SV2B: variants seen among roughly 807,000 people sequenced by gnomAD.
The protein encoded by SV2B is synaptic vesicle glycoprotein 2B, also known as solute carrier family 22 member B2.
A neutral mutation model predicts 73.9 loss-of-function variants in SV2B; 41 were observed. The observed-to-expected ratio is 0.56, with a 90% CI of 0.43 to 0.72. The LOEUF (loss-of-function observed/expected upper bound fraction) is 0.72, where lower values mean the gene tolerates loss of function less well. SV2B is among the 30% of genes least tolerant of loss of function. SV2B has a pLI of 0.00. For synonymous variants in SV2B, 314 were observed against 314.2 expected (o/e 1.00, Z 0.01); for missense variants, 764 against 857.8 (o/e 0.89, Z 1.37).
At chr15:91,272,761 A>G (rs1257671377) in intron 9 of SV2B, among the ~76,000 whole-genome samples, 1 of 151,720 alleles carries the variant, frequency 6.6e-6, no homozygotes, top group Non-Finnish European at 1.5e-5. Flanking sequence ...GGTTGCTGTC[A>G]CGCATCACAC....
intron 6 of SV2B, among the ~76,000 whole-genome samples, chr15:91,263,111 T>C (rs1477091666): frequency 2.0e-5 from 3 of 151,506 alleles, no homozygotes; most frequent in Non-Finnish European, 2.9e-5. Flanking sequence ...CACATAGACA[T>C]AGGCACACAT....
chr15:91,107,662 T>G (rs1029599032), intron 1 of SV2B, among the ~76,000 whole-genome samples: 24 of 152,122 alleles, frequency 1.6e-4, no homozygotes, highest in East Asian at 1.4e-3. Flanking sequence ...CAGGCTGGAG[T>G]GCAGTGGCGT....
rs922595667 is a variant in SV2B at position 91,226,474 on chromosome 15, A to G, written c.211A>G (p.Met71Val). 6.2e-7 allele frequency: 1 copy of G among 1,614,186 alleles called. No individual in the cohort carries two copies. Among genetic ancestry groups the G allele is most frequent in the Non-Finnish European group, 8.5e-7 (1 of 1,180,028 alleles). ...AKQAKMAPSRMDSLRGQTDLM... is the reference protein window; with the variant it reads ...AKQAKMAPSRVDSLRGQTDLM... ...GCAGGCCAAGATGGCGCCCTCCAGAATGGACAGCCTTCGGGGCCAGACAGA... is the reference window on the plus strand; with the variant it reads ...GCAGGCCAAGATGGCGCCCTCCAGAGTGGACAGCCTTCGGGGCCAGACAGA... Residue 71 changes from methionine (M) to valine (V), a missense_variant, in exon 2 of 13, where the codon ATG becomes GTG. Transcript: ENST00000394232.
At chr15:91,282,765 C>A (rs1429606088) in intron 10 of SV2B, among the ~76,000 whole-genome samples, 1 of 152,202 alleles carries the variant, frequency 6.6e-6, no homozygotes, top group Non-Finnish European at 1.5e-5. Context: ...ATAAGAACAT[C>A]TTTTTCCTCT....
Position 91,145,129 on chromosome 15 carries a change from G to T in SV2B, c.-392+44766G>T, listed in dbSNP as rs2043109719. On this transcript the variant is annotated intron_variant, in intron 1 of 12. Transcript: ENST00000394232. Reference sequence around the variant, plus strand: ...CATTAGTTATTGTTCCTGATCCTCTGCCTCCTCCCACCCTCCATCCTCCAA... The same window carrying T: ...CATTAGTTATTGTTCCTGATCCTCTTCCTCCTCCCACCCTCCATCCTCCAA... 2.0e-5 allele frequency among the ~76,000 whole-genome samples: 3 copies of T among 152,078 alleles called. No individual in the cohort carries two copies. The South Asian group carries it at 6.2e-4, about 32-fold the overall frequency.
chr15:91,171,881 C>T (rs76236473), intron 1 of SV2B, among the ~76,000 whole-genome samples: 5,594 of 152,194 alleles, frequency 0.037, 362 homozygotes, highest in African/African-American at 0.13. Context: ...GACAACATCT[C>T]CCACCCCTCC....
chr15:91,260,516 C>T (rs1159853550), intron 6 of SV2B, 107 bp downstream of exon 6: 37 of 762,766 alleles, frequency 4.9e-5, no homozygotes, highest in Admixed American at 3.0e-5. Context: ...AAAAGGAGAA[C>T]AAAGACTCTG....
intron 9 of SV2B, among the ~76,000 whole-genome samples, chr15:91,279,469 A>G (rs552126661): frequency 6.6e-6 from 1 of 152,146 alleles, no homozygotes; most frequent in East Asian, 1.9e-4. Flanking sequence ...CATCTTTTGA[A>G]CTCTCCTGAA....
chr15:91,262,116 T>C (rs921671905), intron 6 of SV2B, among the ~76,000 whole-genome samples: 2 of 152,204 alleles, frequency 1.3e-5, no homozygotes, highest in African/African-American at 4.8e-5. Flanking sequence ...GCATCCAAAG[T>C]ATCAAATCCC....
chr15:91,262,406 C>T (rs967558899), intron 6 of SV2B, among the ~76,000 whole-genome samples: 1 of 152,134 alleles, frequency 6.6e-6, no homozygotes, highest in African/African-American at 2.4e-5. Context: ...GATATTTTCT[C>T]AATTCTAATG....
At position 91,139,509 on chromosome 15, in the gene SV2B, C is replaced by T. The variant is rs1002248339; in HGVS notation, c.-392+39146C>T. On this transcript the variant is annotated intron_variant, in intron 1 of 12. Transcript: ENST00000394232. This position sits in a 1 kb window ranked among gnomAD's most constrained non-coding sequence, Gnocchi z 5.2. ...ACAAGTAGCACCCAGAACAGAAAAG[C>T]AGGGTGAGGGCAAACACCGCTATCA... Among the ~76,000 whole-genome samples, 5 of 152,066 alleles carry T rather than the reference C, an allele frequency of 3.3e-5. No individual in the cohort carries two copies. Among genetic ancestry groups the T allele is most frequent in the African/African-American group, 1.2e-4 (5 of 41,410 alleles).
chr15:91,234,837 A>G lies in SV2B; in HGVS notation c.451+8123A>G, dbSNP rs562527395. Among the ~76,000 whole-genome samples the G allele has an allele frequency of 6.6e-6, 1 of 152,212 alleles. No individual in the cohort carries two copies. Among genetic ancestry groups the G allele is most frequent in the Admixed American group, 6.5e-5 (1 of 15,282 alleles). On this transcript the variant is annotated intron_variant, in intron 2 of 12. Coordinates refer to ENST00000394232, the MANE Select transcript of SV2B (RefSeq NM_001323032.3). This position sits in a 1 kb window ranked among gnomAD's most constrained non-coding sequence, Gnocchi z 5.6. ...GTGGGCTTTTACTAGGTGACTGTGC[A>G]TTGGGGAAAGGAAAATAGTCAGACC... is the stretch of plus-strand genomic sequence containing the variant.
At chr15:91,230,068 C>G in intron 2 of SV2B, among the ~76,000 whole-genome samples, 1 of 152,030 alleles carries the variant, frequency 6.6e-6, no homozygotes, top group African/African-American at 2.4e-5. Context: ...TGGTGAAACC[C>G]GTGTCTACAA....
At chr15:91,215,379 A>G (rs1280887918) in intron 1 of SV2B, among the ~76,000 whole-genome samples, 1 of 152,172 alleles carries the variant, frequency 6.6e-6, no homozygotes, top group Non-Finnish European at 1.5e-5. Flanking sequence ...CAGTTTTGGA[A>G]TGGGAGCCAG....
At position 91,232,190 on chromosome 15, in the gene SV2B, C is replaced by T. The variant is rs776210809; in HGVS notation, c.451+5476C>T. Among the ~76,000 whole-genome samples the T allele has an allele frequency of 6.6e-5, 10 of 152,094 alleles. No homozygotes were observed. Among genetic ancestry groups the T allele is most frequent in the Non-Finnish European group, 1.0e-4 (7 of 68,040 alleles). ...GTGGCACAAAATATGTCCTCAGTGA[C>T]CAAGTATTTACCTACTTACTCATGA... On this transcript the variant is annotated intron_variant, in intron 2 of 12. Coordinates refer to ENST00000394232, the MANE Select transcript of SV2B (RefSeq NM_001323032.3). This position sits in a 1 kb window ranked among gnomAD's most constrained non-coding sequence, Gnocchi z 4.7.
At chr15:91,125,480 T>G (rs1292118487) in intron 1 of SV2B, among the ~76,000 whole-genome samples, 1 of 152,078 alleles carries the variant, frequency 6.6e-6, no homozygotes, top group Non-Finnish European at 1.5e-5. Context: ...CCTTAAGAAC[T>G]TAGACATTTG....
intron 1 of SV2B, among the ~76,000 whole-genome samples, chr15:91,168,198 G>A (rs2043983285): frequency 6.6e-6 from 1 of 152,060 alleles, no homozygotes; most frequent in Non-Finnish European, 1.5e-5. Flanking sequence ...GGCTCCCAGA[G>A]TCCCTTTATC....
chr15:91,246,725 TCC>T (rs2047243398), intron 2 of SV2B, among the ~76,000 whole-genome samples: 2 of 151,624 alleles, frequency 1.3e-5, no homozygotes, highest in African/African-American at 4.9e-5. Flanking sequence ...CTCCTCCTCC[TCC>T]TCCTCCTCCT....
At position 91,242,247 on chromosome 15, in the gene SV2B, G is replaced by T. The variant is rs569282699; in HGVS notation, c.452-9572G>T. On this transcript the variant is annotated intron_variant, in intron 2 of 12. Coordinates refer to ENST00000394232, the MANE Select transcript of SV2B (RefSeq NM_001323032.3). This position sits in a 1 kb window ranked among gnomAD's most constrained non-coding sequence, Gnocchi z 4.9. ...CTCTTCATATTCCTGGCCTTTAAAT[G>T]TTGGAATGTCTCAGTGCTCAGTCCT... Among the ~76,000 whole-genome samples the T allele has an allele frequency of 6.6e-6, 1 of 152,122 alleles. No homozygotes were observed. Among genetic ancestry groups the T allele is most frequent in the Non-Finnish European group, 1.5e-5 (1 of 68,038 alleles).
Sources: allele counts gnomAD v4.1 joint callset (sites outside exome capture counted in the v4.1 genomes callset), GRCh38; gene constraint gnomAD v4.1.1; non-coding constraint Gnocchi (gnomAD v3.1); transcripts MANE v1.5; gene names NCBI Gene and HGNC (gene_info 2026-07-23, HGNC 2026-07-21).